The following SNRPD3 variants were observed in gnomAD, a reference collection of about 807,000 sequenced individuals.
The protein encoded by SNRPD3 is small nuclear ribonucleoprotein D3 polypeptide.
For synonymous variants in SNRPD3, 66 were observed against 58.4 expected, an observed-to-expected ratio of 1.13 and a Z score of -0.59; for missense variants, 73 against 167.5, an observed-to-expected ratio of 0.44 and a Z score of 3.11.
chr22:24,563,573 C>G (rs1362047192), intron 2 of SNRPD3, among the ~76,000 whole-genome samples: 1 of 152,016 alleles, frequency 6.6e-6, no homozygotes, highest in African/African-American at 2.4e-5. Context: ...AAAATATGTC[C>G]CCAGTTTTAT....
intron 1 of SNRPD3, among the ~76,000 whole-genome samples, chr22:24,557,088 C>G (rs8139036): frequency 6.6e-6 from 1 of 152,210 alleles, no homozygotes; most frequent in Admixed American, 6.5e-5. Context: ...CATAGGGTAG[C>G]CACTAGCTAC....
intron 2 of SNRPD3, among the ~76,000 whole-genome samples, chr22:24,563,256 A>ATGTATATGTATG (rs71189261): frequency 0.17 from 23,537 of 138,956 alleles, 2,417 homozygotes; most frequent in South Asian, 0.26. Context: ...GTGTGTATGT[A>ATGTATATGTATG]TGTATATATG....
chr22:24,559,982 C>T (rs2045116965), intron 2 of SNRPD3, among the ~76,000 whole-genome samples: 1 of 150,116 alleles, frequency 6.7e-6, no homozygotes, highest in South Asian at 2.1e-4. Flanking sequence ...TTCACTTGGT[C>T]TTCCCTCTGT....
At chr22:24,559,785 C>G (rs905118650) in intron 2 of SNRPD3, among the ~76,000 whole-genome samples, 3 of 152,094 alleles carry the variant, frequency 2.0e-5, no homozygotes, top group African/African-American at 7.2e-5. Context: ...TATTTGTATG[C>G]TAGTGCTACC....
At chr22:24,571,832 G>A in intron 3 of SNRPD3, 84 bp from the exon 4 acceptor site, 2 of 1,369,402 alleles carry the variant, frequency 1.5e-6, no homozygotes, top group South Asian at 1.2e-5. Flanking sequence ...CCTTCTAACT[G>A]GTGTCCTAGG....
At chr22:24,570,812 ATTC>A (rs776226412) in intron 3 of SNRPD3, among the ~76,000 whole-genome samples, 1 of 134,018 alleles carries the variant, frequency 7.5e-6, no homozygotes, top group South Asian at 2.4e-4. Flanking sequence ...CTATGAAATA[ATTC>A]TTTTTTTTTT....
rs984510482 is a variant in SNRPD3 at position 24,572,381 on chromosome 22, G to C, written c.*404G>C. 3.9e-6 allele frequency: 2 copies of C among 510,946 alleles called. No homozygotes were observed. Among genetic ancestry groups the C allele is most frequent in the African/African-American group, 3.8e-5 (2 of 52,196 alleles). 31.7% of individuals were successfully genotyped at this position (510,946 alleles called of 1,614,324 possible). The stretch of plus-strand genomic sequence containing the variant: ...ATTCATCTTCAGACACAGGCACATA[G>C]TGTGGCACTTTGTTCAGTTAACATT... On this transcript the variant is annotated 3_prime_UTR_variant, in exon 4 of 4. Coordinates refer to ENST00000215829, the MANE Select transcript of SNRPD3 (RefSeq NM_004175.5).
chr22:24,560,997 C>G (rs1417023454), intron 2 of SNRPD3, among the ~76,000 whole-genome samples: 4 of 150,318 alleles, frequency 2.7e-5, no homozygotes, highest in Non-Finnish European at 4.4e-5. Context: ...CCTTGGCCTC[C>G]CAAAGTGCTA....
At position 24,570,214 on chromosome 22, in the gene SNRPD3, A is replaced by AG. The variant is rs552488550; in HGVS notation, c.320-1699dup. ...AGGTCTTATGACCCACAATCAGATT[A>AG]GGGTCCTGCCTTGGGCAGGTGAAAG... is the stretch of plus-strand genomic sequence containing the variant. On this transcript the variant is annotated intron_variant, in intron 3 of 3. Coordinates refer to ENST00000215829, the MANE Select transcript of SNRPD3 (RefSeq NM_004175.5). Among the ~76,000 whole-genome samples the AG allele has an allele frequency of 8.5e-5, 13 of 152,340 alleles. 1 individual carries two copies. The South Asian group carries it at 2.5e-3, about 29-fold the overall frequency.
chr22:24,557,699 G>T lies in SNRPD3; in HGVS notation c.25G>T (p.Val9Leu). ...GATGTCTATTGGTGTGCCGATTAAA[G>T]TACTGCATGAGGCCGAGGGCCACAT... MSIGVPIK[V>L]LHEAEGHIVT... is the part of the protein sequence containing the mutation. The change falls in exon 2 of 4, where the codon GTA becomes TTA. Residue 9 changes from valine (V) to leucine (L), a missense_variant. Coordinates refer to ENST00000215829, the MANE Select transcript of SNRPD3 (RefSeq NM_004175.5). 6.2e-7 allele frequency: 1 copy of T among 1,613,050 alleles called. No individual in the cohort carries two copies. The highest frequency in any genetic ancestry group is 8.5e-7 in the Non-Finnish European group (1 of 1,179,322).
rs1294256062 is a variant in SNRPD3, at chr22:24,573,677, C to CT, written c.*1701dup. ...ATCACTTGAACCTAGGAGTTTGAGACTAGCCTGGGCTGTTAAGCTTTGTTA... is the reference window on the plus strand; with the variant it reads ...ATCACTTGAACCTAGGAGTTTGAGACTTAGCCTGGGCTGTTAAGCTTTGTTA... On this transcript the variant is annotated 3_prime_UTR_variant, in exon 4 of 4. Transcript: ENST00000215829. Among the ~76,000 whole-genome samples, 3 of 152,194 alleles carry CT rather than the reference C, an allele frequency of 2.0e-5. No homozygotes were observed. Among genetic ancestry groups the CT allele is most frequent in the African/African-American group, 7.2e-5 (3 of 41,452 alleles).
At chr22:24,571,465 G>A (rs1296595390) in intron 3 of SNRPD3, among the ~76,000 whole-genome samples, 7 of 152,260 alleles carry the variant, frequency 4.6e-5, no homozygotes, top group East Asian at 1.9e-4. Context: ...TCAGCTGGAC[G>A]TGTTGGCTTA....
At chr22:24,563,240 G>A (rs4822512) in intron 2 of SNRPD3, among the ~76,000 whole-genome samples, 76,654 of 128,346 alleles carry the variant, frequency 0.6, 20,969 homozygotes, top group East Asian at 0.71. Context: ...GTGTGTGTGT[G>A]TGTATGTGTG....
intron 1 of SNRPD3, among the ~76,000 whole-genome samples, chr22:24,557,234 G>A (rs999216244): frequency 1.3e-5 from 2 of 152,092 alleles, no homozygotes; most frequent in Non-Finnish European, 2.9e-5. Flanking sequence ...TGGACAGCTC[G>A]GGCCTGTATT....
At chr22:24,567,903 C>A in intron 2 of SNRPD3, 81 bp from the exon 3 acceptor site, 1 of 1,095,368 alleles carries the variant, frequency 9.1e-7, no homozygotes, top group Non-Finnish European at 1.3e-6. Context: ...CTTTTCTGGA[C>A]TTCCCCCTCC....
chr22:24,569,563 G>A (rs2045229165), intron 3 of SNRPD3, among the ~76,000 whole-genome samples: 2 of 152,140 alleles, frequency 1.3e-5, no homozygotes, highest in Non-Finnish European at 2.9e-5. Flanking sequence ...CACCAGCTGG[G>A]TGTCCTTCAG....
chr22:24,561,240 T>TTTTTAA (rs1177524760), intron 2 of SNRPD3, among the ~76,000 whole-genome samples: 1 of 151,862 alleles, frequency 6.6e-6, no homozygotes, highest in Non-Finnish European at 1.5e-5. Context: ...ACCTGGCTAA[T>TTTTTAA]TTTTAAATTT....
rs1452873023 is a variant in SNRPD3, at chr22:24,566,727, C to G, written c.127-1257C>G. On this transcript the variant is annotated intron_variant, in intron 2 of 3. Transcript: ENST00000215829. Reference sequence around the variant, plus strand: ...CCCATTCTAAATAAATTATAGTTCTCTCTCTTCAGAAGGTTCATACAATAA... The same window carrying G: ...CCCATTCTAAATAAATTATAGTTCTGTCTCTTCAGAAGGTTCATACAATAA... Among the ~76,000 whole-genome samples the G allele has an allele frequency of 3.3e-5, 5 of 152,230 alleles. No individual in the cohort carries two copies. The East Asian group carries it at 7.7e-4, about 23-fold the overall frequency.
intron 1 of SNRPD3, 72 bp from the exon 2 acceptor site, chr22:24,557,585 G>T: frequency 3.7e-6 from 4 of 1,092,838 alleles, no homozygotes; most frequent in Non-Finnish European, 5.5e-6. Flanking sequence ...AGGCCTTAAA[G>T]GAAGCATGAT....
Sources: gnomAD v4.1 joint callset for allele counts (sites outside exome capture counted in the v4.1 genomes callset) on GRCh38, gnomAD v4.1.1 for gene constraint, MANE v1.5 for transcripts, NCBI Gene and HGNC (gene_info 2026-07-23, HGNC 2026-07-21) for gene names.